KCNK10: variants seen among roughly 807,000 people sequenced by gnomAD.
The protein encoded by KCNK10 is potassium channel subfamily K member 10.
In KCNK10, 25 loss-of-function variants were observed where a neutral mutation model predicts 47.7. The ratio of observed to expected loss-of-function variants is 0.52; its 90% CI spans 0.38 to 0.73. KCNK10 has a LOEUF of 0.73. KCNK10 is among the 30% of genes least tolerant of loss of function. The pLI is 0.00. For synonymous variants in KCNK10, 303 were observed against 285.6 expected (o/e 1.06, Z -0.61); for missense variants, 563 against 714.5 (o/e 0.79, Z 2.42).
At position 88,181,797 on chromosome 14, in the gene KCNK10, A is replaced by G. The variant is rs1207028217; in HGVS notation, c.*3738T>C. 6.6e-6 allele frequency: 1 copy of G among 152,296 alleles called. No individual in the cohort carries two copies. The highest frequency in any genetic ancestry group is 1.9e-4 in the East Asian group (1 of 5,328). 9.4% of individuals were successfully genotyped at this position (152,296 alleles called of 1,614,324 possible). On this transcript the variant is annotated 3_prime_UTR_variant, in exon 7 of 7. Coordinates refer to ENST00000319231, the MANE Select transcript of KCNK10 (RefSeq NM_138317.3). ...TATTCACAAATCCAACTTATAATTT[A>G]ATCTTAATAAATTTTGTGAACTCAT...
At chr14:88,205,160 G>A (rs1885229165) in intron 4 of KCNK10, among the ~76,000 whole-genome samples, 2 of 152,142 alleles carry the variant, frequency 1.3e-5, no homozygotes, top group South Asian at 4.1e-4. Context: ...TTTTCAGATT[G>A]GCTTCTTCCA....
At chr14:88,313,556 T>C (rs2037866129) in intron 1 of KCNK10, among the ~76,000 whole-genome samples, 3 of 152,280 alleles carry the variant, frequency 2.0e-5, no homozygotes, top group South Asian at 2.1e-4. Context: ...CAGGCCCACA[T>C]TGGCAGGAAA....
chr14:88,258,591 GTCT>G (rs1184664989), intron 2 of KCNK10, among the ~76,000 whole-genome samples: 1 of 152,136 alleles, frequency 6.6e-6, no homozygotes, highest in African/African-American at 2.4e-5. Context: ...ACCCGGCCGC[GTCT>G]TCTTCTTTCT....
intron 1 of KCNK10, chr14:88,270,996 C>G: frequency 1.7e-6 from 1 of 604,514 alleles, no homozygotes; most frequent in East Asian, 2.8e-5. Context: ...AACCTTTGCC[C>G]CAGCCAAACC....
At chr14:88,200,994 C>A (rs1036406207) in intron 4 of KCNK10, among the ~76,000 whole-genome samples, 8 of 152,208 alleles carry the variant, frequency 5.3e-5, no homozygotes, top group African/African-American at 1.9e-4. Context: ...CCTCAAGATT[C>A]CCTCTTCGTA....
chr14:88,186,007 A>G lies in KCNK10; in HGVS notation c.1160T>C (p.Leu387Pro). Residue 387 changes from leucine (L) to proline (P), a missense_variant, in exon 7 of 7, where the codon CTG becomes CCG. By Grantham distance (98) the Leu-to-Pro change is moderately conservative (BLOSUM62 -3). Coordinates refer to ENST00000319231, the MANE Select transcript of KCNK10 (RefSeq NM_138317.3). The surrounding 1 kb of genome is among the most constrained non-coding windows in gnomAD (Gnocchi z 5.5). The part of the protein sequence containing the change: ...IRSMERRRLG[L>P]DQRAHSLDML... ...GTCCAGTGAGTGGGCCCGCTGGTCC[A>G]GGCCCAGCCGCCGGCGCTCCATGCT... 6.2e-7 allele frequency: 1 copy of G among 1,613,436 alleles called. No homozygotes were observed. Among genetic ancestry groups the G allele is most frequent in the Non-Finnish European group, 8.5e-7 (1 of 1,179,898 alleles).
chr14:88,277,408 C>T (rs987803357), intron 1 of KCNK10, among the ~76,000 whole-genome samples: 5 of 152,168 alleles, frequency 3.3e-5, no homozygotes, highest in Non-Finnish European at 5.9e-5. Context: ...CTGACATCAG[C>T]AACATTTCTG....
chr14:88,251,225 T>C (rs1595105463), intron 2 of KCNK10, among the ~76,000 whole-genome samples: 1 of 101,898 alleles, frequency 9.8e-6, no homozygotes, highest in Non-Finnish European at 1.8e-5. Flanking sequence ...AGAGCAAGAC[T>C]CTGTCTCAAA....
rs538475486 is a variant in KCNK10 at position 88,275,782 on chromosome 14, G to T, written c.53-12231C>A. The stretch of plus-strand genomic sequence containing the variant: ...CTTGGGAGGCTGAGGCTGGAGAATG[G>T]CTTGAACCTAGGAGGTGGAGGTTGG... On this transcript the variant is annotated intron_variant, in intron 1 of 6. Transcript: ENST00000319231. Among the ~76,000 whole-genome samples the T allele has an allele frequency of 6.6e-5, 10 of 152,076 alleles. No individual in the cohort carries two copies. In the South Asian group the frequency reaches 2.1e-3, roughly 32 times the overall value.
At chr14:88,292,121 C>T (rs920595071) in intron 1 of KCNK10, among the ~76,000 whole-genome samples, 2 of 152,172 alleles carry the variant, frequency 1.3e-5, no homozygotes, top group Admixed American at 6.5e-5. Context: ...CTAGAAAGAA[C>T]CATAAGAAGC....
At position 88,240,772 on chromosome 14, in the gene KCNK10, AAG is replaced by A; in HGVS notation, c.449_450del (p.Ser150PhefsTer33). The A allele has an allele frequency of 1.2e-6, 2 of 1,613,970 alleles. No individual in the cohort carries two copies. The highest frequency in any genetic ancestry group is 1.1e-5 in the South Asian group (1 of 91,076). On this transcript the variant is annotated frameshift_variant, in exon 3 of 7. Transcript: ENST00000319231. LOFTEE classifies it high-confidence loss of function. ...DNAGVSPIGN[S>X]SNNSSHWDLG... ...AGGTCCCAGTGGCTGCTGTTGTTGG[AAG>A]AGTTTCCTATTGGACTGACTCCCGC...
At chr14:88,307,327 TCA>T (rs112756986) in intron 1 of KCNK10, among the ~76,000 whole-genome samples, 6,482 of 148,938 alleles carry the variant, frequency 0.044, 188 homozygotes, top group South Asian at 0.1. Context: ...AAGAAGCTGA[TCA>T]CACACACACA....
At chr14:88,210,506 G>A (rs572809276) in intron 4 of KCNK10, among the ~76,000 whole-genome samples, 11 of 152,208 alleles carry the variant, frequency 7.2e-5, no homozygotes, top group South Asian at 2.1e-4. Flanking sequence ...GGATTTCAGA[G>A]TAGAAAAAAG....
At position 88,228,821 on chromosome 14, in the gene KCNK10, T is replaced by G. The variant is rs566059539; in HGVS notation, c.521-1286A>C. Among the ~76,000 whole-genome samples, 11 of 152,296 alleles carry G rather than the reference T, an allele frequency of 7.2e-5. No homozygotes were observed. In the East Asian group the frequency reaches 1.9e-3, roughly 27 times the overall value. On this transcript the variant is annotated intron_variant, in intron 3 of 6. Coordinates refer to ENST00000319231, the MANE Select transcript of KCNK10 (RefSeq NM_138317.3). The stretch of plus-strand genomic sequence containing the variant: ...TTACAGCTTCCATTTCTAAAATGAG[T>G]GTTCAGGCTAGGCTTCCTCATCTTG...
intron 4 of KCNK10, among the ~76,000 whole-genome samples, chr14:88,202,682 T>C (rs1230895326): frequency 6.6e-6 from 1 of 151,400 alleles, no homozygotes; most frequent in African/African-American, 2.4e-5. Context: ...TTCCAGACAG[T>C]AGGCAAGACC....
chr14:88,313,526 A>C (rs1888369557), intron 1 of KCNK10, among the ~76,000 whole-genome samples: 1 of 152,218 alleles, frequency 6.6e-6, no homozygotes, highest in South Asian at 2.1e-4. Context: ...ACATATGAGT[A>C]CACATAAGCA....
intron 1 of KCNK10, among the ~76,000 whole-genome samples, chr14:88,283,906 G>A (rs1215903112): frequency 6.6e-6 from 1 of 151,484 alleles, no homozygotes; most frequent in Admixed American, 6.6e-5. Context: ...GAGCGAGACT[G>A]TCTCAAAAAA....
chr14:88,240,906 T>C lies in KCNK10; in HGVS notation c.403-86A>G. On this transcript the variant is annotated intron_variant, in intron 2 of 6. Transcript: ENST00000319231. ...CAAAAAAAAAAAAGGTTCCAATACA[T>C]TATTCCCCTACTCAAGAACCTGCAG... 6.2e-6 allele frequency: 5 copies of C among 802,322 alleles called. No homozygotes were observed. The South Asian group carries it at 7.8e-5, about 13-fold the overall frequency. 49.7% of individuals were successfully genotyped at this position (802,322 alleles called of 1,614,324 possible). A position where few individuals can be genotyped will look rare whatever the true frequency, so the allele number is the denominator to read the frequency against.
At chr14:88,288,813 G>T (rs919338396) in intron 1 of KCNK10, among the ~76,000 whole-genome samples, 2 of 152,092 alleles carry the variant, frequency 1.3e-5, no homozygotes, top group African/African-American at 4.8e-5. Context: ...GAACAGTCTT[G>T]CCCAGGGCCT....
Sources: gnomAD v4.1 joint callset for allele counts (sites outside exome capture counted in the v4.1 genomes callset) on GRCh38, gnomAD v4.1.1 for gene constraint, Gnocchi (gnomAD v3.1) non-coding constraint, MANE v1.5 for transcripts, NCBI Gene and HGNC (gene_info 2026-07-23, HGNC 2026-07-21) for gene names.